Variants in OPLAH observed in about 807,000 individuals in gnomAD.
The protein encoded by OPLAH is 5-oxoprolinase.
Under a neutral mutation model 122.8 loss-of-function variants are expected in OPLAH, and 103 were observed. The observed-to-expected ratio is 0.84, with a 90% CI of 0.71 to 0.99. OPLAH has a LOEUF of 0.99. Among genes scored for constraint, OPLAH ranks in the 50% least tolerant of loss-of-function variants. The probability of loss-of-function intolerance (pLI) is 0.00; values close to 1 mark genes in which losing one functional copy is unlikely to be tolerated. For synonymous variants in OPLAH, 875 were observed against 796.0 expected, an observed-to-expected ratio of 1.10 and a Z score of -1.67; for missense variants, 1,902 against 1,836.5, an observed-to-expected ratio of 1.04 and a Z score of -0.65.
intron 2 of OPLAH, 34 bp downstream of exon 2, chr8:144,059,828 G>A (rs11985564): frequency 6.2e-7 from 1 of 1,611,076 alleles, no homozygotes; most frequent in Non-Finnish European, 8.5e-7. Context: ...TTCTGGCCGT[G>A]GGGTCCCTGT....
At chr8:144,054,515 T>A in intron 19 of OPLAH, 46 bp downstream of exon 19, 1 of 1,518,420 alleles carries the variant, frequency 6.6e-7, no homozygotes, top group Non-Finnish European at 8.9e-7. Flanking sequence ...GCAGTGGCCA[T>A]GTGTCCCAGC....
Position 144,056,377 on chromosome 8 carries a change from C to T in OPLAH, c.1983+8G>A. ...TGCTGTCAGGCTGGCACAGGCAGGA[C>T]CACCAACCTTGTCCACCCGGGGAGG... is the stretch of plus-strand genomic sequence containing the variant. On this transcript the variant is annotated splice_region_variant and intron_variant, in intron 14 of 26. Coordinates refer to ENST00000618853, the MANE Select transcript of OPLAH (RefSeq NM_017570.5). 6.2e-7 allele frequency: 1 copy of T among 1,601,964 alleles called. No homozygotes were observed. Among genetic ancestry groups the T allele is most frequent in the Non-Finnish European group, 8.5e-7 (1 of 1,174,288 alleles).
chr8:144,056,771 G>A lies in OPLAH; in HGVS notation c.1707-16C>T, dbSNP rs782204475. The A allele has an allele frequency of 6.9e-6, 11 of 1,594,918 alleles. No individual in the cohort carries two copies. The highest frequency in any genetic ancestry group is 9.4e-6 in the Non-Finnish European group (11 of 1,169,576). ...GATCTGGGACCTGCAGCAGGTGGTT[G>A]GGGGCACTCACACCAAACCCCCTGC... On this transcript the variant is annotated splice_polypyrimidine_tract_variant and intron_variant, in intron 12 of 26. Transcript: ENST00000618853.
At position 144,054,872 on chromosome 8, in the gene OPLAH, T is replaced by C. The variant is rs1554758569; in HGVS notation, c.2451A>G (p.Leu817=). The C allele has an allele frequency of 2.5e-6, 4 of 1,610,918 alleles. No homozygotes were observed. The highest frequency in any genetic ancestry group is 3.3e-5 in the Admixed American group (2 of 59,804). The change falls in exon 18 of 27, where the codon CTA becomes CTG. Residue 817 remains leucine, a synonymous_variant. Transcript: ENST00000618853. ...CCCCGGCACTGGGATGGTTGCTCAG[T>C]AGCACGTCGCCAGGGTGGAGATCGG... ...LGADLHPGDV[L]LSNHPSAGGS...
chr8:144,057,480 C>A lies in OPLAH; in HGVS notation c.1390G>T (p.Ala464Ser). 6.3e-7 allele frequency: 1 copy of A among 1,593,364 alleles called. No homozygotes were observed. The highest frequency in any genetic ancestry group is 8.5e-7 in the Non-Finnish European group (1 of 1,170,552). ...AGTGCACGGATGGGCCGGCACATGG[C>A]CTCGTTGGCCACGCGCACGAACCCC... ...AMGFVRVANEAMCRPIRALTQ... is the reference protein window; with the variant it reads ...AMGFVRVANESMCRPIRALTQ... Residue 464 changes from alanine (A) to serine (S), a missense_variant, in exon 10 of 27, where the codon GCC becomes TCC. Physicochemically the swap from Ala to Ser is moderately conservative, Grantham distance 99. Around this residue, in one of 3 missense-constraint regions of OPLAH, gnomAD observed 1,726 missense variants for 1,642.1 expected, o/e 1.05. Coordinates refer to ENST00000618853, the MANE Select transcript of OPLAH (RefSeq NM_017570.5).
chr8:144,062,845 C>G (rs1835685784), upstream of OPLAH, among the ~76,000 whole-genome samples: 1 of 152,042 alleles, frequency 6.6e-6, no homozygotes, highest in Non-Finnish European at 1.5e-5. Context: ...TCCCCACGCT[C>G]CCTAGCGGCA....
rs782184405 is a variant in OPLAH, at chr8:144,058,099, G to A, written c.999C>T (p.Phe333=). ...GGGTGACGCCAGCTGTGCTGGCCTC[G>A]AAGACGTGCTCGAATTCCCCAGCAT... ...SRYAGEFEHV[F]EASTAGVTLQ... is the part of the protein sequence containing the mutation. Residue 333 remains phenylalanine (F), a synonymous_variant, in exon 8 of 27, where the codon TTC becomes TTT. Transcript: ENST00000618853. The A allele has an allele frequency of 1.6e-5, 26 of 1,612,404 alleles. No individual in the cohort carries two copies. The highest frequency in any genetic ancestry group is 1.9e-5 in the Non-Finnish European group (23 of 1,179,822).
rs782415814 is a variant in OPLAH, at chr8:144,052,004, G to T, written c.3534C>A (p.Asp1178Glu). The change falls in exon 25 of 27, where the codon GAC (aspartate) becomes GAA (glutamate). Residue 1178 changes from aspartate to glutamate, a missense_variant. By Grantham distance (45) the Asp-to-Glu change is conservative (BLOSUM62 2). Around this residue, in one of 3 missense-constraint regions of OPLAH, gnomAD observed 1,726 missense variants for 1,642.1 expected, o/e 1.05. Transcript: ENST00000618853. ...GAAAGAGCAGCTCGCGGGTGACGCCGTCGCCGCCTCGGAAGCGGCCTCTGC... is the reference window on the plus strand; with the variant it reads ...GAAAGAGCAGCTCGCGGGTGACGCCTTCGCCGCCTCGGAAGCGGCCTCTGC... ...SGGRGRFRGG[D>E]GVTRELLFRE... The T allele has an allele frequency of 1.5e-5, 24 of 1,586,832 alleles. No individual in the cohort carries two copies. The highest frequency in any genetic ancestry group is 2.0e-5 in the Non-Finnish European group (23 of 1,175,088).
Position 144,054,626 on chromosome 8 carries a change from A to T in OPLAH, c.2621T>A (p.Leu874Gln), listed in dbSNP as rs782042436. 1 of 1,610,436 alleles carries T rather than the reference A, an allele frequency of 6.2e-7. No homozygotes were observed. Among genetic ancestry groups the T allele is most frequent in the East Asian group, 2.2e-5 (1 of 44,782 alleles). ...CAGAAAGACGGCACCCTCCTGTTGC[A>T]GCATGGTGGAGTGGGGGGGCATGGA... ...PGSMPPHSTMLQQEGAVFLSF... is the reference protein window; with the variant it reads ...PGSMPPHSTMQQQEGAVFLSF... The change falls in exon 19 of 27, where the codon CTG becomes CAG. Residue 874 changes from leucine (L) to glutamine (Q), a missense_variant. Physicochemically the swap from Leu to Gln is moderately radical, Grantham distance 113. This residue lies in a region of OPLAH where 1,726 missense variants were observed against 1,642.1 expected (regional missense o/e 1.05). Coordinates refer to ENST00000618853, the MANE Select transcript of OPLAH (RefSeq NM_017570.5).
At chr8:144,060,182 G>T in intron 1 of OPLAH, 97 bp from the exon 2 acceptor site, 1 of 865,304 alleles carries the variant, frequency 1.2e-6, no homozygotes, top group Non-Finnish European at 1.7e-6. Flanking sequence ...AGAGACCCAC[G>T]GGCACGACTC....
intron 23 of OPLAH, 55 bp downstream of exon 23, chr8:144,052,394 A>G: frequency 1.3e-6 from 2 of 1,519,306 alleles, no homozygotes; most frequent in South Asian, 2.4e-5. Flanking sequence ...TCCCGCTCCT[A>G]CTCCAGCCTG....
chr8:144,057,092 C>G lies in OPLAH; in HGVS notation c.1562G>C (p.Gly521Ala), dbSNP rs375714095. The change falls in exon 12 of 27, where the codon GGG becomes GCG. Residue 521 changes from glycine (G) to alanine (A), a missense_variant. Around this residue, in one of 3 missense-constraint regions of OPLAH, gnomAD observed 1,726 missense variants for 1,642.1 expected, o/e 1.05. Coordinates refer to ENST00000618853, the MANE Select transcript of OPLAH (RefSeq NM_017570.5). ...HRHSGLLSAL[G>A]LALADVVHEA... ...ATGCACCACGTCAGCCAGGGCCAGC[C>G]CCAGGGCCGACAGCAGCCCACTGTG... The G allele has an allele frequency of 6.2e-7, 1 of 1,602,542 alleles. No homozygotes were observed. Among genetic ancestry groups the G allele is most frequent in the Non-Finnish European group, 8.5e-7 (1 of 1,175,678 alleles).
In OPLAH at chr8:144,059,223, AGGCTCACCAAGGG is replaced by A; in HGVS notation, c.364-157_364-145del. The A allele has an allele frequency of 4.3e-6, 3 of 705,320 alleles. No individual in the cohort carries two copies. In the Admixed American group the frequency reaches 7.9e-5, roughly 19 times the overall value. The allele number at this position is 705,320 out of a possible 1,614,324, so 43.7% of individuals were successfully genotyped here. On this transcript the variant is annotated intron_variant, in intron 3 of 26. Transcript: ENST00000618853. ...AGAGTCATACCTGGCAGCCCCAGCA[AGGCTCACCAAGGG>A]GGCAGCTCTCCACCCCCTAGGCAGC... is the stretch of plus-strand genomic sequence containing the variant.
In OPLAH at chr8:144,052,904, C is replaced by A; in HGVS notation, c.3019-4G>T. ...TGAAGTCAAACACGGCGCTGCCCTG[C>A]GCGCCCCGAGGGAAGGGAGAGGCTG... On this transcript the variant is annotated splice_region_variant and splice_polypyrimidine_tract_variant and intron_variant, in intron 21 of 26. Coordinates refer to ENST00000618853, the MANE Select transcript of OPLAH (RefSeq NM_017570.5). The A allele has an allele frequency of 6.4e-7, 1 of 1,558,126 alleles. No homozygotes were observed. The highest frequency in any genetic ancestry group is 8.7e-7 in the Non-Finnish European group (1 of 1,151,742).
At chr8:144,060,604 G>C (rs1835644491) in intron 1 of OPLAH, 49 bp downstream of exon 1, 1 of 152,444 alleles carries the variant, frequency 6.6e-6, no homozygotes, top group Non-Finnish European at 1.5e-5. Flanking sequence ...AAGCCCGGGA[G>C]GCAGCGGGGA....
intron 22 of OPLAH, 64 bp from the exon 23 acceptor site, chr8:144,052,662 C>A: frequency 6.5e-7 from 1 of 1,533,008 alleles, no homozygotes; most frequent in Non-Finnish European, 8.8e-7. Context: ...AGCACCCCAC[C>A]CCCCGCCCCA....
chr8:144,051,600 C>G, intron 26 of OPLAH, 128 bp from the exon 27 acceptor site: 1 of 1,157,952 alleles, frequency 8.6e-7, no homozygotes, highest in Non-Finnish European at 1.2e-6. Context: ...AGGCCCGGTA[C>G]GCGCCCCCTT....
intron 19 of OPLAH, 101 bp downstream of exon 19, chr8:144,054,460 G>C: frequency 7.8e-7 from 1 of 1,275,846 alleles, no homozygotes; most frequent in South Asian, 1.5e-5. Context: ...AGGCAGGCCT[G>C]GGCCTATGGG....
chr8:144,059,840 C>T (rs782477039), intron 2 of OPLAH, 22 bp downstream of exon 2: 3 of 1,611,956 alleles, frequency 1.9e-6, no homozygotes, highest in East Asian at 2.2e-5. Flanking sequence ...GGTCCCTGTC[C>T]ACCCGCTCCG....
Sources: gnomAD v4.1 joint callset for allele counts (sites outside exome capture counted in the v4.1 genomes callset) on GRCh38, gnomAD v4.1.1 for gene constraint, gnomAD v4.1.1 regional missense constraint, MANE v1.5 for transcripts, NCBI Gene and HGNC (gene_info 2026-07-23, HGNC 2026-07-21) for gene names.